Variants in FIGLA observed in about 807,000 individuals in gnomAD.
FIGLA encodes the protein factor in the germline alpha.
A neutral mutation model predicts 21.5 loss-of-function variants in FIGLA; 17 were observed. The ratio of observed to expected loss-of-function variants is 0.79; its 90% CI spans 0.54 to 1.19. The LOEUF (loss-of-function observed/expected upper bound fraction) is 1.19. Ranked by LOEUF, FIGLA falls within the 50% of genes most tolerant of loss-of-function variation. The probability of loss-of-function intolerance (pLI) is 0.00; values close to 1 mark genes in which losing one functional copy is unlikely to be tolerated. For synonymous variants in FIGLA, 129 were observed against 117.6 expected, an observed-to-expected ratio of 1.10 and a Z score of -0.63; for missense variants, 282 against 285.0, an observed-to-expected ratio of 0.99 and a Z score of 0.08.
rs1675779404 is a variant in FIGLA, at chr2:70,777,401, T to C, written c.645-19A>G. ...TGGAAGTCTGAAACAGAGAAAACAT[T>C]CCATTATAAATAGTTAAAAATAAGA... is the stretch of plus-strand genomic sequence containing the variant. On this transcript the variant is annotated intron_variant, in intron 4 of 4. Coordinates refer to ENST00000332372, the MANE Select transcript of FIGLA (RefSeq NM_001004311.3). 6.8e-7 allele frequency: 1 copy of C among 1,470,910 alleles called. No individual in the cohort carries two copies. Among genetic ancestry groups the C allele is most frequent in the Non-Finnish European group, 9.1e-7 (1 of 1,104,460 alleles). The allele number at this position is 1,470,910 out of a possible 1,614,324, so 91.1% of individuals were successfully genotyped here.
Position 70,787,690 on chromosome 2 carries a change from G to C in FIGLA, c.343C>G (p.Gln115Glu), listed in dbSNP as rs782450302. ...DILKGATEYI[Q>E]VLSDLLEGAK... is the part of the protein sequence containing the mutation. ...CCTTCCAAAAGATCACTGAGAACCT[G>C]TATATATTCAGTCGCACCTTTAAGG... The change falls in exon 2 of 5, where the codon CAG becomes GAG. Residue 115 changes from glutamine (Q) to glutamate (E), a missense_variant. Physicochemically the swap from Gln to Glu is conservative, Grantham distance 29. Coordinates refer to ENST00000332372, the MANE Select transcript of FIGLA (RefSeq NM_001004311.3). 2.6e-5 allele frequency: 41 copies of C among 1,595,868 alleles called. No homozygotes were observed. The highest frequency in any genetic ancestry group is 7.0e-5 in the Admixed American group (4 of 57,186).
chr2:70,790,495 C>G lies in FIGLA; in HGVS notation c.144G>C (p.Arg48=), dbSNP rs1553390726. Residue 48 remains arginine, a synonymous_variant, in exon 1 of 5, where the codon CGG becomes CGC. Transcript: ENST00000332372. Reference sequence around the variant, plus strand: ...TGGACGAGTAGCCGCCCGAGGGCAGCCGCTTGAGCCGGCAGACAGCGGCCA... The same window carrying G: ...TGGACGAGTAGCCGCCCGAGGGCAGGCGCTTGAGCCGGCAGACAGCGGCCA... ...PQLAAVCRLK[R]LPSGGYSSTE... is the part of the protein sequence containing the mutation. The G allele has an allele frequency of 1.3e-6, 2 of 1,543,240 alleles. No individual in the cohort carries two copies. Among genetic ancestry groups the G allele is most frequent in the Admixed American group, 3.9e-5 (2 of 50,920 alleles).
intron 3 of FIGLA, 55 bp from the exon 4 acceptor site, chr2:70,777,726 G>T (rs1400902708): frequency 2.1e-6 from 2 of 931,440 alleles, no homozygotes; most frequent in Non-Finnish European, 3.3e-6. Flanking sequence ...TATTTGTCAC[G>T]TTTAAGAGAA....
chr2:70,781,685 T>G (rs1049380931), intron 3 of FIGLA, among the ~76,000 whole-genome samples: 1 of 152,204 alleles, frequency 6.6e-6, no homozygotes, highest in Non-Finnish European at 1.5e-5. Flanking sequence ...AAAGACCATC[T>G]GTAAAAGTCA....
chr2:70,790,268 G>A, intron 1 of FIGLA, 140 bp downstream of exon 1: 1 of 733,112 alleles, frequency 1.4e-6, no homozygotes, highest in Non-Finnish European at 2.1e-6. Context: ...CTCCTGACAA[G>A]CTGGGGGCGT....
chr2:70,785,397 TAAG>T lies in FIGLA; in HGVS notation c.609+15_609+17del, dbSNP rs1553389769. The T allele has an allele frequency of 1.3e-6, 2 of 1,593,184 alleles. No homozygotes were observed. The highest frequency in any genetic ancestry group is 2.2e-5 in the South Asian group (2 of 90,244). ...AGGTTCTGATATCTGTATGGGTATT[TAAG>T]AAGGAATATTTTACCAGACTTCTGG... is the stretch of plus-strand genomic sequence containing the variant. On this transcript the variant is annotated intron_variant, in intron 3 of 4. Coordinates refer to ENST00000332372, the MANE Select transcript of FIGLA (RefSeq NM_001004311.3).
Position 70,781,777 on chromosome 2 carries a change from G to A in FIGLA, c.609+3638C>T, listed in dbSNP as rs553102331. 5.9e-5 allele frequency among the ~76,000 whole-genome samples: 9 copies of A among 152,288 alleles called. No homozygotes were observed. The East Asian group carries it at 1.3e-3, about 23-fold the overall frequency. ...ACAGATTAGTGATGTCCAGGAGTTT[G>A]GAAGAATGGAGGGTTGGGAGCAGAG... On this transcript the variant is annotated intron_variant, in intron 3 of 4. Transcript: ENST00000332372.
At chr2:70,780,277 C>T (rs1193914353) in intron 3 of FIGLA, among the ~76,000 whole-genome samples, 1 of 152,190 alleles carries the variant, frequency 6.6e-6, no homozygotes, top group East Asian at 1.9e-4. Context: ...ACCAGGATTT[C>T]ATTCCCTGGG....
intron 3 of FIGLA, among the ~76,000 whole-genome samples, chr2:70,779,716 C>T (rs1675820468): frequency 1.3e-5 from 2 of 152,164 alleles, no homozygotes; most frequent in South Asian, 2.1e-4. Flanking sequence ...CTATGTCTCT[C>T]CATATGTCCC....
chr2:70,785,716 G>A, intron 2 of FIGLA, 77 bp from the exon 3 acceptor site: 1 of 1,093,322 alleles, frequency 9.1e-7, no homozygotes, highest in Admixed American at 1.8e-5. Flanking sequence ...ATATTTCAAA[G>A]TTTTAACTGA....
At chr2:70,778,943 A>C (rs17006320) in intron 3 of FIGLA, among the ~76,000 whole-genome samples, 6,741 of 152,228 alleles carry the variant, frequency 0.044, 487 homozygotes, top group African/African-American at 0.15. Flanking sequence ...GTAAACAGAA[A>C]TCCTTGCTCA....
rs782622487 is a variant in FIGLA, at chr2:70,785,643, G to A, written c.385-4C>T. 6.2e-7 allele frequency: 1 copy of A among 1,608,100 alleles called. No individual in the cohort carries two copies. The highest frequency in any genetic ancestry group is 8.5e-7 in the Non-Finnish European group (1 of 1,174,736). On this transcript the variant is annotated splice_region_variant and splice_polypyrimidine_tract_variant and intron_variant, in intron 2 of 4. Transcript: ENST00000332372. ...TCTGCTCATCTGGGTCTTGTTTCTG[G>A]AAACCATATTTAGTTGTCAAACAGT...
chr2:70,785,151 G>A (rs1553389715), intron 3 of FIGLA, among the ~76,000 whole-genome samples: 1 of 152,036 alleles, frequency 6.6e-6, no homozygotes, highest in Admixed American at 6.5e-5. Flanking sequence ...GGGTGGTTCT[G>A]GGGTTAAATA....
At chr2:70,777,712 C>T (rs553571277) in intron 3 of FIGLA, 41 bp from the exon 4 acceptor site, 35 of 1,062,352 alleles carry the variant, frequency 3.3e-5, no homozygotes, top group South Asian at 3.1e-4. Flanking sequence ...CTAAACACAT[C>T]GGTTATTTGT....
chr2:70,789,172 ATG>A (rs1242019540), intron 1 of FIGLA, among the ~76,000 whole-genome samples: 2 of 147,310 alleles, frequency 1.4e-5, no homozygotes, highest in East Asian at 4.0e-4. Flanking sequence ...ATATATATAT[ATG>A]AATACACAAA....
rs1354357573 is a variant in FIGLA, at chr2:70,790,639, G to A, written c.-1C>T. ...CTAGGACGCCGGGCGCGGGGTCCAT[G>A]GCAGGGCCGAGGCCGCTGAGGCCGG... On this transcript the variant is annotated 5_prime_UTR_variant, in exon 1 of 5. Coordinates refer to ENST00000332372, the MANE Select transcript of FIGLA (RefSeq NM_001004311.3). 12 of 1,351,616 alleles carry A rather than the reference G, an allele frequency of 8.9e-6. No homozygotes were observed. The East Asian group carries it at 9.2e-5, about 10-fold the overall frequency. 83.7% of individuals were successfully genotyped at this position (1,351,616 alleles called of 1,614,324 possible).
At chr2:70,777,571 C>G in intron 4 of FIGLA, 66 bp downstream of exon 4, 1 of 1,568,052 alleles carries the variant, frequency 6.4e-7, no homozygotes, top group South Asian at 1.2e-5. Flanking sequence ...ATGGAATTAG[C>G]ACTCTTATTA....
intron 3 of FIGLA, among the ~76,000 whole-genome samples, chr2:70,777,925 T>G (rs2104595060): frequency 6.6e-6 from 1 of 152,342 alleles, no homozygotes; most frequent in East Asian, 1.9e-4. Flanking sequence ...GTGGTTTTAC[T>G]AACGTGGCAA....
At position 70,785,433 on chromosome 2, in the gene FIGLA, G is replaced by C; in HGVS notation, c.591C>G (p.Ile197Met). 1 of 1,611,628 alleles carries C rather than the reference G, an allele frequency of 6.2e-7. No homozygotes were observed. Among genetic ancestry groups the C allele is most frequent in the Admixed American group, 1.7e-5 (1 of 59,998 alleles). The stretch of plus-strand genomic sequence containing the variant: ...ATTTTACCAGACTTCTGGTTGGGGA[G>C]ATAATTTCAGTCGTAGACATCACAC... ...RHSVMSTTEI[I>M]SPTRSLDRFP... The change falls in exon 3 of 5, where the codon ATC (isoleucine) becomes ATG (methionine). Residue 197 changes from isoleucine to methionine, a missense_variant. Coordinates refer to ENST00000332372, the MANE Select transcript of FIGLA (RefSeq NM_001004311.3).
Sources: gnomAD v4.1 joint callset for allele counts (sites outside exome capture counted in the v4.1 genomes callset) on GRCh38, gnomAD v4.1.1 for gene constraint, MANE v1.5 for transcripts, NCBI Gene and HGNC (gene_info 2026-07-23, HGNC 2026-07-21) for gene names.